MTNAP1: variants seen among roughly 807,000 people sequenced by gnomAD.
MTNAP1 encodes the protein mitochondrial nucleoid associated protein 1, also known as mitochondrial nucleoid-associated protein 1.
chr17:73,241,972 C>T, the MTNAP1 span, among the ~76,000 whole-genome samples: 63 of 152,226 alleles, frequency 4.1e-4, no homozygotes, highest in Admixed American at 3.3e-3. Context: ...GAAGCACATG[C>T]GCATCAATCA....
chr17:73,239,032 G>C, the MTNAP1 span, among the ~76,000 whole-genome samples: 1 of 151,974 alleles, frequency 6.6e-6, no homozygotes, highest in Non-Finnish European at 1.5e-5. Context: ...CTGCCTCCTG[G>C]GTTCAAGCGA....
the MTNAP1 span, among the ~76,000 whole-genome samples, chr17:73,239,987 C>G: frequency 6.6e-6 from 1 of 152,228 alleles, no homozygotes; most frequent in African/African-American, 2.4e-5. Flanking sequence ...GTATTAACTA[C>G]TAACTCTCCC....
chr17:73,236,084 C>T, the MTNAP1 span: 1 of 1,614,158 alleles, frequency 6.2e-7, no homozygotes, highest in Middle Eastern at 1.6e-4. Flanking sequence ...CAAACTACCT[C>T]TGGTGATCTC....
At chr17:73,234,662 A>T in the MTNAP1 span, among the ~76,000 whole-genome samples, 47 of 147,668 alleles carry the variant, frequency 3.2e-4, no homozygotes, top group Admixed American at 8.1e-4. Flanking sequence ...CGGCCTGGTG[A>T]CAGAGTGAGA....
chr17:73,247,934 C>T, the MTNAP1 span: 2 of 154,344 alleles, frequency 1.3e-5, no homozygotes, highest in African/African-American at 2.4e-5. Flanking sequence ...TTGCTGCCAC[C>T]TGGGTTGGGA....
chr17:73,238,921 C>CTGTGTGTG, the MTNAP1 span, among the ~76,000 whole-genome samples: 6,348 of 150,948 alleles, frequency 0.042, 314 homozygotes, highest in African/African-American at 0.12. Flanking sequence ...CCATACTTTT[C>CTGTGTGTG]TGTGTGTGTG....
the MTNAP1 span, chr17:73,245,276 A>C: frequency 6.5e-7 from 1 of 1,529,834 alleles, no homozygotes; most frequent in Non-Finnish European, 8.8e-7. Flanking sequence ...CAGTTTAAAA[A>C]TGTATAATAT....
the MTNAP1 span, among the ~76,000 whole-genome samples, chr17:73,234,322 T>TTG: frequency 2.8e-5 from 1 of 35,174 alleles, no homozygotes; most frequent in East Asian, 1.3e-3. Context: ...GGTATAAATG[T>TTG]TTTTTTTTTA....
chr17:73,238,711 A>G, the MTNAP1 span, among the ~76,000 whole-genome samples: 71 of 152,264 alleles, frequency 4.7e-4, no homozygotes, highest in African/African-American at 1.7e-3. Flanking sequence ...AGGTGGACAG[A>G]GAGGTGGGCA....
the MTNAP1 span, chr17:73,242,207 G>T: frequency 7.1e-7 from 1 of 1,415,176 alleles, no homozygotes; most frequent in South Asian, 1.2e-5. Flanking sequence ...GGTACGTTTC[G>T]GTAAACAATG....
chr17:73,242,296 C>G, the MTNAP1 span: 1 of 1,606,640 alleles, frequency 6.2e-7, no homozygotes, highest in East Asian at 2.2e-5. Flanking sequence ...AACCCCCTGC[C>G]GGACTTACAA....
the MTNAP1 span, among the ~76,000 whole-genome samples, chr17:73,239,525 T>TTTC: frequency 6.8e-6 from 1 of 147,930 alleles, no homozygotes; most frequent in Non-Finnish European, 1.5e-5. Context: ...GACATCTTTT[T>TTTC]TTTTTTTTCT....
chr17:73,239,801 G>T, the MTNAP1 span, among the ~76,000 whole-genome samples: 5 of 152,134 alleles, frequency 3.3e-5, no homozygotes, highest in Non-Finnish European at 5.9e-5. Context: ...GATTACAGGT[G>T]TGAGCCACCA....
At chr17:73,247,127 A>T in the MTNAP1 span, 17 of 876,906 alleles carry the variant, frequency 1.9e-5, no homozygotes, top group Non-Finnish European at 2.9e-5. Context: ...AGCCCTGCTC[A>T]TTTGGTTAGG....
At chr17:73,247,521 G>A in the MTNAP1 span, 11 of 574,410 alleles carry the variant, frequency 1.9e-5, no homozygotes, top group Admixed American at 9.6e-5. Flanking sequence ...AGTATCACTT[G>A]TCATAATCAG....
At chr17:73,247,416 G>T in the MTNAP1 span, 4 of 1,440,934 alleles carry the variant, frequency 2.8e-6, no homozygotes, top group Non-Finnish European at 3.9e-6. Context: ...CCACTGAATT[G>T]CCCTGTAACA....
chr17:73,236,880 A>G, the MTNAP1 span: 5 of 1,614,114 alleles, frequency 3.1e-6, no homozygotes, highest in South Asian at 4.4e-5. Flanking sequence ...AGTGGTTTCC[A>G]GAGCTCTATC....
chr17:73,236,280 A>G, the MTNAP1 span: 1 of 1,614,168 alleles, frequency 6.2e-7, no homozygotes, highest in Non-Finnish European at 8.5e-7. Flanking sequence ...CTGATGTTAC[A>G]GTTACTGAGA....
chr17:73,245,181 G>C, the MTNAP1 span: 1 of 1,613,682 alleles, frequency 6.2e-7, no homozygotes, highest in Admixed American at 1.7e-5. Flanking sequence ...TGCAGCGGTG[G>C]CGTAAGTAGT....
Sources: gnomAD v4.1 joint callset for allele counts (sites outside exome capture counted in the v4.1 genomes callset) on GRCh38, gnomAD v4.1.1 for gene constraint, MANE v1.5 for transcripts, NCBI Gene and HGNC (gene_info 2026-07-23, HGNC 2026-07-21) for gene names.